The following MZT2B variants were observed in gnomAD, a reference collection of about 807,000 sequenced individuals.
The protein encoded by MZT2B is mitotic-spindle organizing protein 2B.
Under a neutral mutation model 12.1 loss-of-function variants are expected in MZT2B, and 11 were observed. That is an observed-to-expected ratio of 0.91 (90% confidence interval 0.57 to 1.50). MZT2B has a LOEUF of 1.50. Ranked by LOEUF, MZT2B falls within the 40% of genes most tolerant of loss-of-function variation. The pLI, the probability that MZT2B is intolerant of heterozygous loss-of-function variation, is 0.00. For missense variants in MZT2B, 209 were observed against 227.7 expected (o/e 0.92, Z 0.53); for synonymous variants, 85 against 109.5 (o/e 0.78, Z 1.40).
downstream of MZT2B, chr2:130,195,123 C>G: frequency 1.2e-6 from 2 of 1,612,918 alleles, no homozygotes; most frequent in Non-Finnish European, 1.7e-6. Context: ...ATCTCCTTGC[C>G]GATGGTGTAA....
chr2:130,183,115 A>C, intron 2 of MZT2B: 8 of 438,810 alleles, frequency 1.8e-5, no homozygotes, highest in African/African-American at 2.1e-5. Context: ...CACGCCTATA[A>C]TCTTTGGGAC....
chr2:130,189,102 A>C (rs1319250428), intron 2 of MZT2B, among the ~76,000 whole-genome samples: 1 of 152,122 alleles, frequency 6.6e-6, no homozygotes, highest in Non-Finnish European at 1.5e-5. Flanking sequence ...GGGATTCCAA[A>C]GGAAGAAACA....
chr2:130,196,838 G>A, the MZT2B span, among the ~76,000 whole-genome samples: 5 of 152,118 alleles, frequency 3.3e-5, no homozygotes, highest in South Asian at 2.1e-4. Flanking sequence ...GTTCTACCCC[G>A]TCCATCATTC....
downstream of MZT2B, chr2:130,191,798 G>C (rs1215678152): frequency 6.3e-7 from 1 of 1,585,926 alleles, no homozygotes; most frequent in African/African-American, 1.3e-5. Flanking sequence ...GCCATCCTAG[G>C]GGTGGCAGGG....
chr2:130,204,458 A>G, the MZT2B span: 3 of 355,602 alleles, frequency 8.4e-6, no homozygotes, highest in Non-Finnish European at 1.7e-5. Flanking sequence ...TGGGAGGTCG[A>G]GGCGGGTGGA....
chr2:130,191,139 AC>A (rs111983684), downstream of MZT2B, among the ~76,000 whole-genome samples: 2,536 of 152,082 alleles, frequency 0.017, 55 homozygotes, highest in African/African-American at 0.057. Context: ...TTTAGTAGAG[AC>A]GGGGTTTCAC....
chr2:130,187,143 T>C (rs1426424178), intron 2 of MZT2B, among the ~76,000 whole-genome samples: 2 of 125,374 alleles, frequency 1.6e-5, no homozygotes, highest in East Asian at 5.0e-4. Flanking sequence ...ATACGTTGGA[T>C]ATTTTAGATT....
chr2:130,182,303 G>C lies in MZT2B; in HGVS notation c.21G>C (p.Gly7=), dbSNP rs764902134. The change falls in exon 1 of 3, where the codon GGG becomes GGC. Residue 7 remains glycine, a synonymous_variant. Transcript: ENST00000281871. ...CGGGGATGGCGGCGCAGGGCGTAGGGCCTGGGCCGGGGTCGGCGGCGCCCC... is the reference window on the plus strand; with the variant it reads ...CGGGGATGGCGGCGCAGGGCGTAGGCCCTGGGCCGGGGTCGGCGGCGCCCC... MAAQGV[G]PGPGSAAPPG... is the part of the protein sequence containing the mutation. The C allele has an allele frequency of 1.2e-3, 1,755 of 1,501,296 alleles. 16 individuals carry two copies. In the Middle Eastern group the frequency reaches 0.013, roughly 11 times the overall value. 93.0% of individuals were successfully genotyped at this position (1,501,296 alleles called of 1,614,324 possible). A position where few individuals can be genotyped will look rare whatever the true frequency, so the allele number is the denominator to read the frequency against.
downstream of MZT2B, chr2:130,194,524 A>G: frequency 6.7e-7 from 1 of 1,496,028 alleles, no homozygotes; most frequent in Non-Finnish European, 9.0e-7. Flanking sequence ...ACCAACCTCC[A>G]ACAAGCCAGG....
chr2:130,194,611 A>C (rs992583156), downstream of MZT2B: 28 of 1,129,336 alleles, frequency 2.5e-5, no homozygotes, highest in Non-Finnish European at 3.5e-5. Context: ...CTTTGAAGCA[A>C]AGAAAAGCAA....
At chr2:130,195,186 C>G, downstream of MZT2B, 1 of 1,614,074 alleles carries the variant, frequency 6.2e-7, no homozygotes, top group Non-Finnish European at 8.5e-7. Context: ...ATCAGCTGCT[C>G]TGGGTGGAAG....
chr2:130,193,228 A>C (rs1200227820), downstream of MZT2B, among the ~76,000 whole-genome samples: 3 of 151,504 alleles, frequency 2.0e-5, no homozygotes. Context: ...ACAGCCTGAG[A>C]GACAAAGCGA....
At chr2:130,203,244 G>A in the MZT2B span, among the ~76,000 whole-genome samples, 11,758 of 139,704 alleles carry the variant, frequency 0.084, no homozygotes, top group African/African-American at 0.3. Context: ...GATCATCTGT[G>A]GTATCATCCC....
the MZT2B span, among the ~76,000 whole-genome samples, chr2:130,203,459 G>A: frequency 6.6e-6 from 1 of 151,946 alleles, no homozygotes; most frequent in Non-Finnish European, 1.5e-5. Flanking sequence ...CCAGACTGTT[G>A]GCCAGATCAG....
chr2:130,192,224 A>G, downstream of MZT2B: 2 of 1,496,068 alleles, frequency 1.3e-6, no homozygotes, highest in Non-Finnish European at 1.8e-6. Flanking sequence ...TGTAGGTGAC[A>G]CGGAGAATGC....
chr2:130,187,271 G>T lies in MZT2B; in HGVS notation c.320-3198G>T, dbSNP rs559006676. On this transcript the variant is annotated intron_variant, in intron 2 of 2. Transcript: ENST00000281871. ...AGTGGCACACTCATAGCTCACTGCAGCTTCAACCTCGTGGGCTCAGACAAT... is the reference window on the plus strand; with the variant it reads ...AGTGGCACACTCATAGCTCACTGCATCTTCAACCTCGTGGGCTCAGACAAT... 2.7e-3 allele frequency among the ~76,000 whole-genome samples: 406 copies of T among 152,206 alleles called. 2 individuals carry two copies. Among genetic ancestry groups the T allele is most frequent in the African/African-American group, 9.3e-3 (386 of 41,516 alleles).
At chr2:130,190,095 C>A (rs778266037) in intron 2 of MZT2B, among the ~76,000 whole-genome samples, 2 of 152,162 alleles carry the variant, frequency 1.3e-5, no homozygotes, top group Admixed American at 1.3e-4. Flanking sequence ...CTGCTGCTGC[C>A]GCCGCTGATG....
the MZT2B span, among the ~76,000 whole-genome samples, chr2:130,202,820 C>T: frequency 5.8e-4 from 89 of 152,304 alleles, no homozygotes; most frequent in East Asian, 8.5e-3. Context: ...TGACACGCTG[C>T]GCCTGACACC....
intron 2 of MZT2B, chr2:130,183,858 G>T (rs1689930149): frequency 3.2e-6 from 5 of 1,550,644 alleles, no homozygotes; most frequent in Non-Finnish European, 3.5e-6. Context: ...CCCGCAGCCT[G>T]CGGCCTCTCC....
Sources: allele counts gnomAD v4.1 joint callset (sites outside exome capture counted in the v4.1 genomes callset), GRCh38; gene constraint gnomAD v4.1.1; transcripts MANE v1.5; gene names NCBI Gene and HGNC (gene_info 2026-07-23, HGNC 2026-07-21).